Variants in SLC20A2 observed in about 807,000 individuals in gnomAD.
SLC20A2 encodes the protein solute carrier family 20 member 2.
SLC20A2 carries 30 observed loss-of-function variants against 61.0 expected under a neutral mutation model. That is an observed-to-expected ratio of 0.49 (90% CI 0.37 to 0.67). The LOEUF (loss-of-function observed/expected upper bound fraction) is 0.67, where lower values mean the gene tolerates loss of function less well. Among genes scored for constraint, SLC20A2 ranks in the 30% least tolerant of loss-of-function variants. The pLI is 0.00. For missense variants in SLC20A2, 626 were observed against 866.4 expected (o/e 0.72, Z 3.48); for synonymous variants, 351 against 353.3 (o/e 0.99, Z 0.07).
At chr8:42,520,307 C>T (rs986663390) in intron 1 of SLC20A2, among the ~76,000 whole-genome samples, 2 of 151,730 alleles carry the variant, frequency 1.3e-5, no homozygotes, top group African/African-American at 4.8e-5. Flanking sequence ...AGCCACCGCG[C>T]CCAGCCTCTT....
intron 5 of SLC20A2, among the ~76,000 whole-genome samples, chr8:42,449,317 G>A (rs1008701391): frequency 2.0e-5 from 3 of 152,208 alleles, no homozygotes; most frequent in African/African-American, 7.2e-5. Flanking sequence ...AGGCGCAAAT[G>A]TCAAGCGCCT....
chr8:42,504,687 C>CA (rs1409858191), upstream of SLC20A2, among the ~76,000 whole-genome samples: 1 of 149,052 alleles, frequency 6.7e-6, no homozygotes, highest in East Asian at 2.0e-4. Context: ...ACTAAAAATA[C>CA]AAAAAAAATT....
In SLC20A2 at chr8:42,425,614, C is replaced by T. The variant is rs552309432; in HGVS notation, c.1794+3144G>A. Among the ~76,000 whole-genome samples the T allele has an allele frequency of 3.9e-5, 6 of 152,272 alleles. No individual in the cohort carries two copies. The South Asian group carries it at 6.2e-4, about 16-fold the overall frequency. On this transcript the variant is annotated intron_variant, in intron 10 of 10. Coordinates refer to ENST00000520262, the MANE Select transcript of SLC20A2 (RefSeq NM_001257180.2). Reference sequence around the variant, plus strand: ...TCCAGAAGTCCACGATCAATGATATCGGACAAACTTACTCAAATCCAAGTT... The same window carrying T: ...TCCAGAAGTCCACGATCAATGATATTGGACAAACTTACTCAAATCCAAGTT...
At chr8:42,479,634 T>C (rs576579674) in intron 1 of SLC20A2, among the ~76,000 whole-genome samples, 68 of 152,232 alleles carry the variant, frequency 4.5e-4, no homozygotes, top group African/African-American at 1.3e-3. Flanking sequence ...AAGACCAGAC[T>C]GGCCAACATA....
intron 5 of SLC20A2, among the ~76,000 whole-genome samples, chr8:42,455,717 G>A (rs976360207): frequency 6.6e-6 from 1 of 152,056 alleles, no homozygotes; most frequent in Non-Finnish European, 1.5e-5. Context: ...TACATACCAG[G>A]TATTATATGT....
intron 1 of SLC20A2, among the ~76,000 whole-genome samples, 176 bp downstream of exon 1, chr8:42,500,855 T>C (rs948136895): frequency 6.6e-6 from 1 of 152,216 alleles, no homozygotes; most frequent in Non-Finnish European, 1.5e-5. Flanking sequence ...GGCAGATTTA[T>C]TGCAGTAGGA....
chr8:42,514,683 A>C (rs1811221688), intron 1 of SLC20A2, among the ~76,000 whole-genome samples: 1 of 151,494 alleles, frequency 6.6e-6, no homozygotes, highest in Non-Finnish European at 1.5e-5. Context: ...GCTTGAACTC[A>C]GGAGGTAGAG....
In SLC20A2 at chr8:42,476,468, CTGTACA is replaced by C. The variant is rs1481004446; in HGVS notation, c.-264-3820_-264-3815del. On this transcript the variant is annotated intron_variant, in intron 1 of 10. Coordinates refer to ENST00000520262, the MANE Select transcript of SLC20A2 (RefSeq NM_001257180.2). ...CTTGAATATGGCAGTGGCTGTACTA[CTGTACA>C]TGCTGTCAAAACTCATGAAATTCAC... is the stretch of plus-strand genomic sequence containing the variant. 2.0e-5 allele frequency among the ~76,000 whole-genome samples: 3 copies of C among 152,174 alleles called. No individual in the cohort carries two copies. The East Asian group carries it at 5.8e-4, about 29-fold the overall frequency.
rs1166136527 is a variant in SLC20A2 at position 42,439,528 on chromosome 8, G to T, written c.856C>A (p.Pro286Thr). ...GAKANDDSTI[P>T]LTGAAGETLG... ...GTCTCCCCTGCTGCTCCCGTGAGCG[G>T]GATGGTGCTGTCATCATTAGCCTTG... is the stretch of plus-strand genomic sequence containing the variant. Residue 286 changes from proline to threonine, a missense_variant, in exon 7 of 11, where the codon CCG (proline) becomes ACG (threonine). This residue lies in a region of SLC20A2 where 361 missense variants were observed against 422.3 expected (regional missense o/e 0.85). Coordinates refer to ENST00000520262, the MANE Select transcript of SLC20A2 (RefSeq NM_001257180.2). The T allele has an allele frequency of 4.3e-6, 7 of 1,614,070 alleles. No homozygotes were observed. The Admixed American group carries it at 8.3e-5, about 19-fold the overall frequency.
chr8:42,459,933 T>G lies in SLC20A2; in HGVS notation c.576A>C (p.Ala192=). 6.2e-7 allele frequency: 1 copy of G among 1,613,690 alleles called. No individual in the cohort carries two copies. Among genetic ancestry groups the G allele is most frequent in the East Asian group, 2.2e-5 (1 of 44,888 alleles). ...ALPVFYAATI[A]INVFSIMYTG... is the part of the protein sequence containing the mutation. ...TGTACATGATGGAAAAGACATTGATTGCTATGGTAGCAGCATAGAATACTG... is the reference window on the plus strand; with the variant it reads ...TGTACATGATGGAAAAGACATTGATGGCTATGGTAGCAGCATAGAATACTG... Residue 192 remains alanine, a synonymous_variant, in exon 5 of 11, where the codon GCA becomes GCC. Transcript: ENST00000520262.
chr8:42,492,363 AG>A (rs1354762540), intron 1 of SLC20A2, among the ~76,000 whole-genome samples: 1 of 152,236 alleles, frequency 6.6e-6, no homozygotes, highest in East Asian at 1.9e-4. Context: ...CTCAAAAAAA[AG>A]AAAGAAAACG....
intron 1 of SLC20A2, among the ~76,000 whole-genome samples, chr8:42,496,578 G>C (rs576152912): frequency 6.6e-6 from 1 of 152,316 alleles, no homozygotes; most frequent in East Asian, 1.9e-4. Context: ...TGTGGCCTTA[G>C]CCATTCCAAT....
At chr8:42,440,503 T>C (rs185726204) in intron 6 of SLC20A2, among the ~76,000 whole-genome samples, 1 of 152,364 alleles carries the variant, frequency 6.6e-6, no homozygotes, top group East Asian at 1.9e-4. Context: ...TATTCAAATG[T>C]ACAAAGGCAC....
At chr8:42,508,075 AT>A (rs2131366940) in intron 1 of SLC20A2, among the ~76,000 whole-genome samples, 1 of 152,300 alleles carries the variant, frequency 6.6e-6, no homozygotes, top group East Asian at 1.9e-4. Context: ...AGGCAGGAGA[AT>A]CTGCTTGAAC....
chr8:42,452,576 G>A (rs939960026), intron 5 of SLC20A2, among the ~76,000 whole-genome samples: 23 of 149,032 alleles, frequency 1.5e-4, no homozygotes, highest in African/African-American at 4.9e-4. Context: ...ATGGAGGAGC[G>A]GGAAGAGGAA....
At chr8:42,471,916 ATATT>A (rs1403508079) in intron 2 of SLC20A2, among the ~76,000 whole-genome samples, 182 bp downstream of exon 2, 16 of 152,268 alleles carry the variant, frequency 1.1e-4, no homozygotes, top group African/African-American at 2.2e-4. Flanking sequence ...TGGTTGCCTG[ATATT>A]TAAACACTTT....
chr8:42,478,490 C>T lies in SLC20A2; in HGVS notation c.-264-5836G>A, dbSNP rs192084341. 2.2e-3 allele frequency among the ~76,000 whole-genome samples: 337 copies of T among 152,316 alleles called. 2 individuals are homozygous for T. Among genetic ancestry groups the T allele is most frequent in the Non-Finnish European group, 3.1e-3 (211 of 68,038 alleles). On this transcript the variant is annotated intron_variant, in intron 1 of 10. Transcript: ENST00000520262. Reference sequence around the variant, plus strand: ...GCTCCCAAAGTGCTGGGATTATAGGCATGAGCCACCGTGCCCAGCCAACTA... The same window carrying T: ...GCTCCCAAAGTGCTGGGATTATAGGTATGAGCCACCGTGCCCAGCCAACTA...
chr8:42,536,448 G>A (rs1812703167), intron 1 of SLC20A2: 1 of 152,260 alleles, frequency 6.6e-6, no homozygotes, highest in Admixed American at 6.5e-5. Context: ...GACAGCTGGT[G>A]TGGTGATGTA....
Position 42,477,753 on chromosome 8 carries a change from G to A in SLC20A2, c.-264-5099C>T, listed in dbSNP as rs913449481. On this transcript the variant is annotated intron_variant, in intron 1 of 10. Coordinates refer to ENST00000520262, the MANE Select transcript of SLC20A2 (RefSeq NM_001257180.2). ...CCCAAAGTGCTGCAATTACAGGCAT[G>A]AGCCACTGCACCTGGCCTGGACAGG... 3.9e-5 allele frequency among the ~76,000 whole-genome samples: 6 copies of A among 152,142 alleles called. No individual in the cohort carries two copies. In the East Asian group the frequency reaches 9.7e-4, roughly 24 times the overall value.
Sources: gnomAD v4.1 joint callset for allele counts (sites outside exome capture counted in the v4.1 genomes callset) on GRCh38, gnomAD v4.1.1 for gene constraint, gnomAD v4.1.1 regional missense constraint, MANE v1.5 for transcripts, NCBI Gene and HGNC (gene_info 2026-07-23, HGNC 2026-07-21) for gene names.